MYLK4: variants seen among roughly 807,000 people sequenced by gnomAD.
The protein encoded by MYLK4 is myosin light chain kinase family member 4.
A neutral mutation model predicts 48.1 loss-of-function variants in MYLK4; 46 were observed. The observed-to-expected ratio is 0.96, with a 90% CI of 0.75 to 1.22. MYLK4 has a LOEUF of 1.22. Among genes scored for constraint, MYLK4 ranks in the 50% most tolerant of loss-of-function variants. The pLI is 0.00. For synonymous variants in MYLK4, 170 were observed against 180.8 expected (o/e 0.94, Z 0.48); for missense variants, 451 against 486.1 (o/e 0.93, Z 0.68).
At chr6:2,768,682 C>T in the MYLK4 span, 1 of 1,587,710 alleles carries the variant, frequency 6.3e-7, no homozygotes, top group Non-Finnish European at 8.6e-7. Context: ...TGTATGTCAT[C>T]TTTTCTAGAC....
In MYLK4 at chr6:2,685,475, G is replaced by A. The variant is rs1761499003; in HGVS notation, c.435+8C>T. 3 of 1,613,880 alleles carry A rather than the reference G, an allele frequency of 1.9e-6. No homozygotes were observed. Among genetic ancestry groups the A allele is most frequent in the African/African-American group, 1.3e-5 (1 of 74,926 alleles). On this transcript the variant is annotated splice_region_variant and intron_variant, in intron 5 of 12. Coordinates refer to ENST00000274643, the MANE Select transcript of MYLK4 (RefSeq NM_001012418.5). This position sits in a 1 kb window ranked among gnomAD's most constrained non-coding sequence, Gnocchi z 4.5. ...GGGAGGGAGGGGACCACCTCCCACAGGCTGTACCTTGTCCTTCATGCCTCT... is the reference window on the plus strand; with the variant it reads ...GGGAGGGAGGGGACCACCTCCCACAAGCTGTACCTTGTCCTTCATGCCTCT...
At chr6:2,764,001 G>A in the MYLK4 span, among the ~76,000 whole-genome samples, 1 of 152,150 alleles carries the variant, frequency 6.6e-6, no homozygotes, top group Admixed American at 6.5e-5. Context: ...GTGTGGTGGC[G>A]GACGCCCGTA....
chr6:2,683,344 A>G (rs1761391194), intron 6 of MYLK4, among the ~76,000 whole-genome samples, 182 bp from the exon 7 acceptor site: 1 of 150,158 alleles, frequency 6.7e-6, no homozygotes, highest in Admixed American at 6.7e-5. Context: ...TATTTTATAT[A>G]CCTTTAATCT....
chr6:2,714,333 G>T (rs1425762194), intron 2 of MYLK4, among the ~76,000 whole-genome samples: 1 of 152,180 alleles, frequency 6.6e-6, no homozygotes, highest in African/African-American at 2.4e-5. Flanking sequence ...TAAGTAAACT[G>T]CCCCTCAATT....
intron 2 of MYLK4, among the ~76,000 whole-genome samples, chr6:2,723,959 C>A (rs1439374569): frequency 1.3e-5 from 2 of 152,112 alleles, no homozygotes; most frequent in African/African-American, 4.8e-5. Flanking sequence ...TCACGGCAAC[C>A]TCCGCCTCCC....
At chr6:2,752,704 A>T (rs780359762), upstream of MYLK4, among the ~76,000 whole-genome samples, 7 of 152,162 alleles carry the variant, frequency 4.6e-5, no homozygotes, top group Admixed American at 2.6e-4. Context: ...TAGGCTGGAG[A>T]TAAGAATTTG....
chr6:2,755,988 G>A, the MYLK4 span, among the ~76,000 whole-genome samples: 1 of 152,270 alleles, frequency 6.6e-6, no homozygotes, highest in Admixed American at 6.5e-5. Context: ...TTAAGGTTGT[G>A]TCCACCAGAC....
chr6:2,766,593 C>T, the MYLK4 span: 2 of 1,356,908 alleles, frequency 1.5e-6, no homozygotes, highest in Non-Finnish European at 1.9e-6. Flanking sequence ...TGGGGCAGTG[C>T]CTGGTCCACA....
intron 2 of MYLK4, among the ~76,000 whole-genome samples, chr6:2,710,044 G>A (rs1189910301): frequency 6.6e-6 from 1 of 152,188 alleles, no homozygotes; most frequent in East Asian, 1.9e-4. Flanking sequence ...TATGAGAGAT[G>A]TCCATTTGGA....
chr6:2,749,818 A>G (rs1471122410), intron 1 of MYLK4, among the ~76,000 whole-genome samples: 1 of 152,192 alleles, frequency 6.6e-6, no homozygotes, highest in African/African-American at 2.4e-5. Context: ...CCCTCTGCAG[A>G]GGGATCGCTC....
At chr6:2,767,850 G>T in the MYLK4 span, among the ~76,000 whole-genome samples, 1 of 152,196 alleles carries the variant, frequency 6.6e-6, no homozygotes, top group East Asian at 1.9e-4. Flanking sequence ...AGGCATCTGT[G>T]ACTTGCGAGC....
At chr6:2,736,293 C>T (rs965034152) in intron 2 of MYLK4, among the ~76,000 whole-genome samples, 1 of 152,220 alleles carries the variant, frequency 6.6e-6, no homozygotes, top group Non-Finnish European at 1.5e-5. Context: ...CTCGCTCTGT[C>T]ACCCAGGCTG....
the MYLK4 span, among the ~76,000 whole-genome samples, chr6:2,762,576 C>T: frequency 1.3e-5 from 2 of 152,208 alleles, no homozygotes; most frequent in East Asian, 1.9e-4. Context: ...GAAAACCTTG[C>T]TTTGAGATCA....
chr6:2,765,471 C>T, the MYLK4 span: 2 of 977,172 alleles, frequency 2.0e-6, no homozygotes, highest in Non-Finnish European at 2.6e-6. Flanking sequence ...GGACGTGAGG[C>T]ATGAGCGGCG....
At chr6:2,764,312 CA>C in the MYLK4 span, among the ~76,000 whole-genome samples, 5 of 152,184 alleles carry the variant, frequency 3.3e-5, no homozygotes, top group East Asian at 3.9e-4. Context: ...AGGACGACTC[CA>C]AAGGCTAAGG....
chr6:2,741,602 T>C (rs1014791266), intron 2 of MYLK4, among the ~76,000 whole-genome samples: 2 of 152,212 alleles, frequency 1.3e-5, no homozygotes, highest in Non-Finnish European at 2.9e-5. Flanking sequence ...ATAAATAGGA[T>C]TCACTGATAC....
chr6:2,683,434 T>TGTGTGTGTG (rs756575525), intron 6 of MYLK4, among the ~76,000 whole-genome samples: 39 of 149,214 alleles, frequency 2.6e-4, no homozygotes, highest in Non-Finnish European at 3.4e-4. Flanking sequence ...TGTGTGTGTG[T>TGTGTGTGTG]TTTGAGATGG....
At chr6:2,759,370 C>A in the MYLK4 span, among the ~76,000 whole-genome samples, 1 of 152,176 alleles carries the variant, frequency 6.6e-6, no homozygotes, top group South Asian at 2.1e-4. Flanking sequence ...GCCTCGCAAA[C>A]TGCTGGGATT....
chr6:2,714,511 G>T (rs536362730), intron 2 of MYLK4, among the ~76,000 whole-genome samples: 1 of 152,180 alleles, frequency 6.6e-6, no homozygotes, highest in African/African-American at 2.4e-5. Flanking sequence ...TAACGTCACT[G>T]GCTCATCCTT....
Sources: allele counts gnomAD v4.1 joint callset (sites outside exome capture counted in the v4.1 genomes callset), GRCh38; gene constraint gnomAD v4.1.1; non-coding constraint Gnocchi (gnomAD v3.1); transcripts MANE v1.5; gene names NCBI Gene and HGNC (gene_info 2026-07-23, HGNC 2026-07-21).